Variants in ZNF236 observed in about 807,000 individuals in gnomAD.
ZNF236 encodes the protein regulated by glucose.
Under a neutral mutation model 191.2 loss-of-function variants are expected in ZNF236, and 50 were observed. That is an observed-to-expected ratio of 0.26 (90% CI 0.21 to 0.33). The LOEUF (loss-of-function observed/expected upper bound fraction) is 0.33. Ranked by LOEUF, ZNF236 falls within the 10% of genes least tolerant of loss-of-function variation. The probability of loss-of-function intolerance (pLI) is 1.00; values close to 1 mark genes in which losing one functional copy is unlikely to be tolerated. For missense variants in ZNF236, 1,754 were observed against 2,374.5 expected, an observed-to-expected ratio of 0.74 and a Z score of 5.43; for synonymous variants, 907 against 928.8, an observed-to-expected ratio of 0.98 and a Z score of 0.43.
intron 1 of ZNF236, among the ~76,000 whole-genome samples, chr18:76,841,420 C>G (rs1050200182): frequency 4.6e-5 from 7 of 152,130 alleles, no homozygotes; most frequent in South Asian, 2.1e-4. Context: ...TATGAGCGAA[C>G]CGACACTATT....
chr18:76,861,362 C>G (rs1976216837), intron 3 of ZNF236, among the ~76,000 whole-genome samples: 1 of 152,136 alleles, frequency 6.6e-6, no homozygotes, highest in African/African-American at 2.4e-5. Flanking sequence ...CACTGCTTCT[C>G]TTTAAAGGCG....
At chr18:76,948,280 A>G (rs770657065) in intron 27 of ZNF236, among the ~76,000 whole-genome samples, 3 of 152,128 alleles carry the variant, frequency 2.0e-5, no homozygotes, top group Non-Finnish European at 2.9e-5. Flanking sequence ...TTTTTAGCAA[A>G]TGAGTTTTCA....
chr18:76,938,369 G>A (rs962401233), intron 26 of ZNF236, among the ~76,000 whole-genome samples: 1 of 152,066 alleles, frequency 6.6e-6, no homozygotes, highest in African/African-American at 2.4e-5. Flanking sequence ...CAGCCTGAAC[G>A]ACAGAGTGAG....
At chr18:76,846,353 A>G (rs767021118) in intron 1 of ZNF236, among the ~76,000 whole-genome samples, 5 of 152,236 alleles carry the variant, frequency 3.3e-5, no homozygotes, top group Non-Finnish European at 7.3e-5. Flanking sequence ...GTGTTATTTG[A>G]GGCCTGGGAC....
chr18:76,845,882 G>C (rs1975661812), intron 1 of ZNF236, among the ~76,000 whole-genome samples: 1 of 151,832 alleles, frequency 6.6e-6, no homozygotes, highest in African/African-American at 2.4e-5. Flanking sequence ...CCCCCAGAAG[G>C]CCATCCCATG....
At chr18:76,904,904 T>C (rs1036262974) in intron 12 of ZNF236, among the ~76,000 whole-genome samples, 4 of 152,180 alleles carry the variant, frequency 2.6e-5, no homozygotes, top group Non-Finnish European at 5.9e-5. Flanking sequence ...TGTGATGTCA[T>C]GAAAAAAGTA....
At position 76,927,499 on chromosome 18, in the gene ZNF236, C is replaced by T; in HGVS notation, c.4396C>T (p.Leu1466=). Residue 1466 remains leucine (L), a synonymous_variant, in exon 24 of 31, where the codon CTG becomes TTG. Transcript: ENST00000320610. The surrounding 1 kb of genome is among the most constrained non-coding windows in gnomAD (Gnocchi z 5.4). ...CCCGCTGTCTGAGCAGGATTCAGTG[C>T]TGACCACTAACAGCAGTGGTAAGAG... ...IGPLSEQDSV[L]TTNSSGTQDL... is the part of the protein sequence containing the mutation. 6.2e-7 allele frequency: 1 copy of T among 1,614,044 alleles called. No individual in the cohort carries two copies. The highest frequency in any genetic ancestry group is 1.3e-5 in the African/African-American group (1 of 75,052).
chr18:76,971,589 C>T lies in ZNF236; in HGVS notation c.*3250C>T, dbSNP rs1968909321. 6.6e-6 allele frequency among the ~76,000 whole-genome samples: 1 copy of T among 152,218 alleles called. No individual in the cohort carries two copies. The highest frequency in any genetic ancestry group is 6.5e-5 in the Admixed American group (1 of 15,284). ...TGTGTCTTCCTTTGAACTCATATCACATTTATTACAAGAGACGCATGTGTT... is the reference window on the plus strand; with the variant it reads ...TGTGTCTTCCTTTGAACTCATATCATATTTATTACAAGAGACGCATGTGTT... On this transcript the variant is annotated 3_prime_UTR_variant, in exon 31 of 31. Coordinates refer to ENST00000320610, the MANE Select transcript of ZNF236 (RefSeq NM_001306089.2).
intron 28 of ZNF236, among the ~76,000 whole-genome samples, chr18:76,957,366 C>T (rs910634112): frequency 5.9e-5 from 9 of 152,102 alleles, no homozygotes; most frequent in African/African-American, 9.7e-5. Flanking sequence ...CGGCCCTGTC[C>T]GGGCCAGGAA....
At chr18:76,857,945 T>C (rs1382483900) in intron 3 of ZNF236, among the ~76,000 whole-genome samples, 1 of 152,222 alleles carries the variant, frequency 6.6e-6, no homozygotes, top group Non-Finnish European at 1.5e-5. Flanking sequence ...GTTTGGTTAC[T>C]ATGGATTCAG....
chr18:76,851,806 T>C lies in ZNF236; in HGVS notation c.230T>C (p.Phe77Ser). 1 of 1,613,888 alleles carries C rather than the reference T, an allele frequency of 6.2e-7. No individual in the cohort carries two copies. The highest frequency in any genetic ancestry group is 8.5e-7 in the Non-Finnish European group (1 of 1,179,926). ...CGATGTGACCAGTGCCCCCAAACAT[T>C]TAATGTTGAATTCAACCTGACACTT... ...PHRCDQCPQT[F>S]NVEFNLTLHK... The change falls in exon 3 of 31, where the codon TTT (phenylalanine) becomes TCT (serine). Residue 77 changes from phenylalanine (F) to serine (S), a missense_variant. By Grantham distance (155) the Phe-to-Ser change is radical (BLOSUM62 -2). Around this residue, in one of 5 missense-constraint regions of ZNF236, gnomAD observed 336 missense variants for 495.1 expected, o/e 0.68. Coordinates refer to ENST00000320610, the MANE Select transcript of ZNF236 (RefSeq NM_001306089.2).
At chr18:76,881,040 T>C (rs182144851) in intron 8 of ZNF236, among the ~76,000 whole-genome samples, 133 of 152,342 alleles carry the variant, frequency 8.7e-4, no homozygotes, top group African/African-American at 3.0e-3. Context: ...TAAATTTTAA[T>C]TCCCTTTAAT....
In ZNF236 at chr18:76,849,643, T is replaced by G. The variant is rs1599328901; in HGVS notation, c.173T>G (p.Met58Arg). ...FPKESQFQRHMRDHERNDKPH... is the reference protein window; with the variant it reads ...FPKESQFQRHRRDHERNDKPH... ...AAAGAATCCCAGTTTCAACGCCACA[T>G]GAGGGATCACGAGCGAAATGACAAG... The change falls in exon 2 of 31, where the codon ATG (methionine) becomes AGG (arginine). Residue 58 changes from methionine to arginine, a missense_variant. This residue lies in a region of ZNF236 where 336 missense variants were observed against 495.1 expected (regional missense o/e 0.68). Transcript: ENST00000320610. 6.3e-7 allele frequency: 1 copy of G among 1,596,570 alleles called. No homozygotes were observed. The highest frequency in any genetic ancestry group is 8.5e-7 in the Non-Finnish European group (1 of 1,174,486).
rs1976677968 is a variant in ZNF236 at position 76,875,139 on chromosome 18, C to A, written c.668-353C>A. On this transcript the variant is annotated intron_variant, in intron 5 of 30. Transcript: ENST00000320610. The surrounding 1 kb of genome is among the most constrained non-coding windows in gnomAD (Gnocchi z 4.3). ...GTTGTGGACGGGAAGCAGGGCTGCT[C>A]TGGGTGTATTTTGAAGTTATTATTG... 6.6e-6 allele frequency among the ~76,000 whole-genome samples: 1 copy of A among 152,018 alleles called. No homozygotes were observed. The highest frequency in any genetic ancestry group is 1.5e-5 in the Non-Finnish European group (1 of 68,018).
intron 6 of ZNF236, among the ~76,000 whole-genome samples, chr18:76,876,030 GA>G (rs1231942355): frequency 7.2e-5 from 11 of 151,938 alleles, no homozygotes; most frequent in Admixed American, 5.2e-4. Context: ...ATAAAATTGG[GA>G]AAAAAAAGTG....
At position 76,844,304 on chromosome 18, in the gene ZNF236, G is replaced by A. The variant is rs146558917; in HGVS notation, c.56-5222G>A. 5.3e-5 allele frequency among the ~76,000 whole-genome samples: 8 copies of A among 152,086 alleles called. No homozygotes were observed. The East Asian group carries it at 1.5e-3, about 29-fold the overall frequency. ...AGATGACCTAAAGCGGTAGCAATTT[G>A]GAGTGGCCTGATGCCTGTCAGGTGT... On this transcript the variant is annotated intron_variant, in intron 1 of 30. Transcript: ENST00000320610.
chr18:76,861,903 C>T (rs201472166), intron 3 of ZNF236, among the ~76,000 whole-genome samples: 50 of 152,268 alleles, frequency 3.3e-4, no homozygotes, highest in East Asian at 2.7e-3. Context: ...TCGCTCTTGT[C>T]GCCCGGGCTG....
intron 1 of ZNF236, among the ~76,000 whole-genome samples, chr18:76,842,585 C>A (rs1192260239): frequency 2.0e-5 from 3 of 152,004 alleles, no homozygotes; most frequent in Admixed American, 2.0e-4. Flanking sequence ...AACCCCATGT[C>A]TACTAAAAAT....
At chr18:76,920,268 C>T (rs772412920) in intron 20 of ZNF236, among the ~76,000 whole-genome samples, 1 of 152,028 alleles carries the variant, frequency 6.6e-6, no homozygotes, top group African/African-American at 2.4e-5. Context: ...AGTCTGTTTT[C>T]GGCTGTGCAT....
Sources: allele counts gnomAD v4.1 joint callset (sites outside exome capture counted in the v4.1 genomes callset), GRCh38; gene constraint gnomAD v4.1.1; regional missense constraint gnomAD v4.1.1; non-coding constraint Gnocchi (gnomAD v3.1); transcripts MANE v1.5; gene names NCBI Gene and HGNC (gene_info 2026-07-23, HGNC 2026-07-21).